The following LRRTM4 variants were observed in gnomAD, a reference collection of about 807,000 sequenced individuals.
The protein encoded by LRRTM4 is leucine rich repeat transmembrane neuronal 4, also known as leucine-rich repeat transmembrane neuronal protein 4.
In LRRTM4, 25 loss-of-function variants were observed where a neutral mutation model predicts 47.6. The observed-to-expected ratio is 0.53, with a 90% confidence interval of 0.38 to 0.73. LRRTM4 has a LOEUF of 0.73. Ranked by LOEUF, LRRTM4 falls within the 30% of genes least tolerant of loss-of-function variation. The probability of loss-of-function intolerance (pLI) is 0.00; values close to 1 mark genes in which losing one functional copy is unlikely to be tolerated. For missense variants in LRRTM4, 638 were observed against 713.4 expected, an observed-to-expected ratio of 0.89 and a Z score of 1.20; for synonymous variants, 311 against 269.5, an observed-to-expected ratio of 1.15 and a Z score of -1.51.
At chr2:77,355,479 C>G (rs1273446171) in intron 3 of LRRTM4, among the ~76,000 whole-genome samples, 1 of 152,062 alleles carries the variant, frequency 6.6e-6, no homozygotes, top group Non-Finnish European at 1.5e-5. Context: ...TACTAATCAC[C>G]GGTTGTTCTG....
intron 3 of LRRTM4, among the ~76,000 whole-genome samples, chr2:77,083,792 T>TTG (rs1558569768): frequency 1.0e-4 from 6 of 57,622 alleles, no homozygotes; most frequent in African/African-American, 6.4e-4. Flanking sequence ...ACTTTTTTTT[T>TTG]TTTTTTTTTT....
At chr2:77,181,370 A>G (rs1379653537) in intron 3 of LRRTM4, among the ~76,000 whole-genome samples, 3 of 152,192 alleles carry the variant, frequency 2.0e-5, no homozygotes, top group South Asian at 2.1e-4. Context: ...GAAGTGGTCC[A>G]GGTACCAGAA....
intron 3 of LRRTM4, among the ~76,000 whole-genome samples, chr2:77,316,455 A>T (rs1677620503): frequency 6.6e-6 from 1 of 152,190 alleles, no homozygotes; most frequent in Admixed American, 6.5e-5. Flanking sequence ...TGTGACATAG[A>T]TTTTTTTAAA....
intron 3 of LRRTM4, among the ~76,000 whole-genome samples, chr2:76,872,739 T>C (rs1672661208): frequency 6.6e-6 from 1 of 151,948 alleles, no homozygotes; most frequent in Non-Finnish European, 1.5e-5. Flanking sequence ...ATGTAGGAGG[T>C]GAGACCTAAC....
chr2:77,345,519 T>A (rs1025468823), intron 3 of LRRTM4, among the ~76,000 whole-genome samples: 9 of 151,952 alleles, frequency 5.9e-5, no homozygotes, highest in African/African-American at 1.9e-4. Flanking sequence ...TTGAAGGAGA[T>A]ATACAGATGG....
At chr2:77,216,730 A>G (rs1023885509) in intron 3 of LRRTM4, among the ~76,000 whole-genome samples, 4 of 152,060 alleles carry the variant, frequency 2.6e-5, no homozygotes, top group African/African-American at 9.7e-5. Flanking sequence ...TAGGAAGAGC[A>G]TATTTCGGCG....
rs1202513474 is a variant in LRRTM4, at chr2:77,122,088, G to A, written c.1552-373172C>T. On this transcript the variant is annotated intron_variant, in intron 3 of 3. Coordinates refer to ENST00000409884, the MANE Select transcript of LRRTM4 (RefSeq NM_001134745.3). ...ACCCAGTATGTATTACTTTATGAAT[G>A]ATTAAATATTAGAAAACTTCTTTTA... Among the ~76,000 whole-genome samples the A allele has an allele frequency of 3.3e-5, 5 of 151,800 alleles. No individual in the cohort carries two copies. In the South Asian group the frequency reaches 6.2e-4, roughly 19 times the overall value.
Position 77,017,732 on chromosome 2 carries a change from AGAG to A in LRRTM4, c.1552-268819_1552-268817del, listed in dbSNP as rs572592324. 4.1e-3 allele frequency among the ~76,000 whole-genome samples: 631 copies of A among 152,296 alleles called. 4 individuals carry two copies. Among genetic ancestry groups the A allele is most frequent in the African/African-American group, 0.014 (601 of 41,576 alleles). On this transcript the variant is annotated intron_variant, in intron 3 of 3. Transcript: ENST00000409884. ...GATATCTAAAAGAAAAATAAATAGA[AGAG>A]GAGAATAAAAACAACAATTTTAGGA...
intron 3 of LRRTM4, among the ~76,000 whole-genome samples, chr2:77,466,800 T>C (rs79311807): frequency 0.27 from 40,521 of 150,998 alleles, 5,662 homozygotes; most frequent in South Asian, 0.34. Flanking sequence ...CTGGGTTAAA[T>C]TGATTCTCCT....
At chr2:76,882,501 A>C (rs1003958235) in intron 3 of LRRTM4, among the ~76,000 whole-genome samples, 3 of 151,790 alleles carry the variant, frequency 2.0e-5, no homozygotes, top group African/African-American at 7.3e-5. Flanking sequence ...AGACCAATCC[A>C]AGCAACAAAG....
chr2:76,818,102 A>T (rs2103848360), intron 3 of LRRTM4, among the ~76,000 whole-genome samples: 1 of 152,110 alleles, frequency 6.6e-6, no homozygotes, highest in South Asian at 2.1e-4. Flanking sequence ...AAAGAAAAAC[A>T]AAAGCTACAG....
intron 3 of LRRTM4, among the ~76,000 whole-genome samples, chr2:77,452,474 C>G (rs867936057): frequency 1.3e-5 from 2 of 152,028 alleles, no homozygotes; most frequent in Non-Finnish European, 2.9e-5. Flanking sequence ...TAAGAGGAAG[C>G]GCAGGACAGA....
At chr2:77,109,752 A>C (rs886298564) in intron 3 of LRRTM4, among the ~76,000 whole-genome samples, 1 of 152,114 alleles carries the variant, frequency 6.6e-6, no homozygotes, top group Non-Finnish European at 1.5e-5. Context: ...ACCTAAAAAC[A>C]TGCATAAAAT....
At chr2:77,522,370 ATACACTGAGTGCCCTC>A (rs1349824665) in exon 1 of LRRTM4, 1 of 412,130 alleles carries the variant, frequency 2.4e-6, no homozygotes, top group Non-Finnish European at 4.3e-6. Context: ...TGAGTTTGTG[ATACACTGAGTGCCCTC>A]CGCTGGAGAA....
intron 3 of LRRTM4, among the ~76,000 whole-genome samples, chr2:77,406,288 T>C (rs1342963257): frequency 6.6e-6 from 1 of 152,096 alleles, no homozygotes; most frequent in East Asian, 1.9e-4. Flanking sequence ...TAACGTGTAA[T>C]AGACTCTATA....
intron 3 of LRRTM4, among the ~76,000 whole-genome samples, chr2:76,906,491 T>A (rs1035235685): frequency 6.6e-6 from 1 of 151,284 alleles, no homozygotes; most frequent in Admixed American, 6.6e-5. Context: ...AATTCACACA[T>A]AAGAATATTA....
At chr2:77,229,603 G>T (rs1255711269) in intron 3 of LRRTM4, among the ~76,000 whole-genome samples, 1 of 152,042 alleles carries the variant, frequency 6.6e-6, no homozygotes, top group Non-Finnish European at 1.5e-5. Context: ...TAAGCCATGA[G>T]AAAAGTATGT....
intron 3 of LRRTM4, among the ~76,000 whole-genome samples, chr2:77,132,371 A>G (rs1162373224): frequency 6.6e-6 from 1 of 152,196 alleles, no homozygotes; most frequent in Admixed American, 6.5e-5. Flanking sequence ...TATATATACC[A>G]CATATTTTTA....
At chr2:76,914,826 A>G (rs1437370453) in intron 3 of LRRTM4, among the ~76,000 whole-genome samples, 1 of 152,202 alleles carries the variant, frequency 6.6e-6, no homozygotes, top group Non-Finnish European at 1.5e-5. Context: ...TTACTTCTCT[A>G]TTATAGTCTG....
Sources: gnomAD v4.1 joint callset for allele counts (sites outside exome capture counted in the v4.1 genomes callset) on GRCh38, gnomAD v4.1.1 for gene constraint, MANE v1.5 for transcripts, NCBI Gene and HGNC (gene_info 2026-07-23, HGNC 2026-07-21) for gene names.